The following TTC7B variants were observed in gnomAD, a reference collection of about 807,000 sequenced individuals.
TTC7B encodes tetratricopeptide repeat protein 7B.
Under a neutral mutation model 106.8 loss-of-function variants are expected in TTC7B, and 28 were observed. That is an observed-to-expected ratio of 0.26 (90% CI 0.19 to 0.36). TTC7B has a LOEUF of 0.36. Among genes scored for constraint, TTC7B ranks in the 10% least tolerant of loss-of-function variants. TTC7B has a pLI of 1.00. For synonymous variants in TTC7B, 405 were observed against 430.6 expected (o/e 0.94, Z 0.74); for missense variants, 862 against 1,076.4 (o/e 0.80, Z 2.79).
intron 19 of TTC7B, among the ~76,000 whole-genome samples, chr14:90,555,983 G>A (rs574598105): frequency 6.2e-4 from 94 of 152,352 alleles, no homozygotes; most frequent in African/African-American, 2.1e-3. Context: ...GCTCCCTGCC[G>A]GCTGCAGCCT....
chr14:90,704,754 T>C (rs1309720143), intron 5 of TTC7B, among the ~76,000 whole-genome samples: 2 of 152,162 alleles, frequency 1.3e-5, no homozygotes, highest in African/African-American at 4.8e-5. Flanking sequence ...AGAAGAAAGA[T>C]GGTGTCGGGG....
intron 13 of TTC7B, among the ~76,000 whole-genome samples, chr14:90,649,466 T>A (rs189943683): frequency 6.6e-6 from 1 of 152,178 alleles, no homozygotes; most frequent in Non-Finnish European, 1.5e-5. Context: ...GCCAGGCAGA[T>A]GAGAGAGAGG....
intron 15 of TTC7B, among the ~76,000 whole-genome samples, chr14:90,639,906 G>A (rs1450161147): frequency 3.3e-5 from 5 of 152,220 alleles, no homozygotes; most frequent in African/African-American, 1.2e-4. Context: ...AGCAATGAAC[G>A]CAAGCAGCAT....
rs1890411410 is a variant in TTC7B, at chr14:90,759,016, A to G, written c.446-14094T>C. On this transcript the variant is annotated intron_variant, in intron 3 of 19. Transcript: ENST00000328459. This position sits in a 1 kb window ranked among gnomAD's most constrained non-coding sequence, Gnocchi z 4.1. ...GAACCTGGCACACAGTAGGCACTCA[A>G]CAAACCGTTCCTCTGTCTGTCTTGA... is the stretch of plus-strand genomic sequence containing the variant. Among the ~76,000 whole-genome samples, 1 of 152,230 alleles carries G rather than the reference A, an allele frequency of 6.6e-6. No individual in the cohort carries two copies. The highest frequency in any genetic ancestry group is 1.5e-5 in the Non-Finnish European group (1 of 68,024).
In TTC7B at chr14:90,561,128, G is replaced by T. The variant is rs541147740; in HGVS notation, c.2310+16978C>A. Among the ~76,000 whole-genome samples, 9 of 152,336 alleles carry T rather than the reference G, an allele frequency of 5.9e-5. No individual in the cohort carries two copies. In the East Asian group the frequency reaches 1.5e-3, roughly 26 times the overall value. ...TGCGGGGTGCCCTGATGTAGAGAAT[G>T]AGAGAGAACCTGCAGGGACACTGAT... On this transcript the variant is annotated intron_variant, in intron 19 of 19. Transcript: ENST00000328459.
intron 19 of TTC7B, among the ~76,000 whole-genome samples, chr14:90,541,905 C>T (rs1042632489): frequency 7.2e-5 from 11 of 152,226 alleles, no homozygotes; most frequent in Non-Finnish European, 1.3e-4. Flanking sequence ...TGACCCAGCG[C>T]GGCGTCAGCA....
chr14:90,582,555 C>T (rs1206634526), intron 18 of TTC7B, among the ~76,000 whole-genome samples: 1 of 152,254 alleles, frequency 6.6e-6, no homozygotes, highest in Non-Finnish European at 1.5e-5. Flanking sequence ...CCAGCAACTT[C>T]CATTCACCAG....
At chr14:90,593,747 T>C (rs1892078310) in intron 17 of TTC7B, 121 bp from the exon 18 acceptor site, 1 of 1,048,818 alleles carries the variant, frequency 9.5e-7, no homozygotes, top group Non-Finnish European at 1.3e-6. Context: ...GTTTCTAAGA[T>C]TTACTGTCCA....
In TTC7B at chr14:90,808,352, G is replaced by A. The variant is rs1470988905; in HGVS notation, c.121+7823C>T. 6.6e-6 allele frequency among the ~76,000 whole-genome samples: 1 copy of A among 152,210 alleles called. No homozygotes were observed. Among genetic ancestry groups the A allele is most frequent in the Non-Finnish European group, 1.5e-5 (1 of 68,038 alleles). On this transcript the variant is annotated intron_variant, in intron 1 of 19. Transcript: ENST00000328459. This position sits in a 1 kb window ranked among gnomAD's most constrained non-coding sequence, Gnocchi z 4.2. ...GAAATGCAGTTCATTCTTCTTCCCT[G>A]CTAGCACTATTTTAACACTCATCAA...
chr14:90,659,787 G>A (rs1435891598), intron 9 of TTC7B, among the ~76,000 whole-genome samples: 1 of 152,178 alleles, frequency 6.6e-6, no homozygotes, highest in African/African-American at 2.4e-5. Flanking sequence ...TGTGTGGGGT[G>A]AAGAAAGGTT....
intron 3 of TTC7B, among the ~76,000 whole-genome samples, chr14:90,777,425 A>G (rs1422145929): frequency 6.6e-6 from 1 of 152,084 alleles, no homozygotes; most frequent in Admixed American, 6.5e-5. Context: ...ATCCCCTAAC[A>G]TAGTGCTGGC....
intron 1 of TTC7B, among the ~76,000 whole-genome samples, chr14:90,790,014 C>T (rs1891530132): frequency 6.6e-6 from 1 of 152,042 alleles, no homozygotes; most frequent in African/African-American, 2.4e-5. Flanking sequence ...ATTTTACACT[C>T]ACAGCACATG....
chr14:90,682,848 C>A lies in TTC7B; in HGVS notation c.951-2313G>T, dbSNP rs201339581. 8.5e-5 allele frequency among the ~76,000 whole-genome samples: 13 copies of A among 152,274 alleles called. No individual in the cohort carries two copies. In the East Asian group the frequency reaches 2.5e-3, roughly 29 times the overall value. ...GAGAATGGGAGGGTGCGTCCTCGTC[C>A]CAGCCATGCCACCAACTCACTGGGT... On this transcript the variant is annotated intron_variant, in intron 7 of 19. Coordinates refer to ENST00000328459, the MANE Select transcript of TTC7B (RefSeq NM_001010854.2).
intron 13 of TTC7B, among the ~76,000 whole-genome samples, chr14:90,650,157 A>G (rs1885653703): frequency 6.6e-6 from 1 of 152,198 alleles, no homozygotes; most frequent in Admixed American, 6.5e-5. Flanking sequence ...CATAAGACAC[A>G]TATCTTGTAA....
intron 3 of TTC7B, among the ~76,000 whole-genome samples, chr14:90,746,699 A>C (rs1040915438): frequency 6.6e-6 from 1 of 152,214 alleles, no homozygotes; most frequent in African/African-American, 2.4e-5. Context: ...TTACTAATAT[A>C]GGTATTTAGT....
intron 1 of TTC7B, among the ~76,000 whole-genome samples, chr14:90,804,971 C>G (rs2030518380): frequency 6.6e-6 from 1 of 152,190 alleles, no homozygotes; most frequent in Admixed American, 6.5e-5. Flanking sequence ...ACAAAAGCCA[C>G]AGGGAGGGAA....
At chr14:90,803,232 C>T (rs79682958) in intron 1 of TTC7B, among the ~76,000 whole-genome samples, 58 of 152,270 alleles carry the variant, frequency 3.8e-4, no homozygotes, top group African/African-American at 1.3e-3. Flanking sequence ...CACTCTCCCC[C>T]CAAGTGAAGG....
In TTC7B at chr14:90,600,711, T is replaced by C. The variant is rs1892389556; in HGVS notation, c.1967-7085A>G. 6.6e-6 allele frequency among the ~76,000 whole-genome samples: 1 copy of C among 152,198 alleles called. No homozygotes were observed. Among genetic ancestry groups the C allele is most frequent in the South Asian group, 2.1e-4 (1 of 4,830 alleles). ...ATGCGGGGCTAGCGCAGCATGCTGC[T>C]GGTGGGTGCTGGCAGGGCCAGGTGG... On this transcript the variant is annotated intron_variant, in intron 17 of 19. Coordinates refer to ENST00000328459, the MANE Select transcript of TTC7B (RefSeq NM_001010854.2). This position sits in a 1 kb window ranked among gnomAD's most constrained non-coding sequence, Gnocchi z 4.3.
intron 17 of TTC7B, among the ~76,000 whole-genome samples, chr14:90,601,277 T>C (rs182370580): frequency 1.1e-4 from 17 of 152,340 alleles, no homozygotes; most frequent in Non-Finnish European, 1.9e-4. Flanking sequence ...AGCTACTTTA[T>C]TCTATTAAGC....
Sources: allele counts gnomAD v4.1 joint callset (sites outside exome capture counted in the v4.1 genomes callset), GRCh38; gene constraint gnomAD v4.1.1; non-coding constraint Gnocchi (gnomAD v3.1); transcripts MANE v1.5; gene names NCBI Gene and HGNC (gene_info 2026-07-23, HGNC 2026-07-21).